The following PTPN11 variants were observed in gnomAD, a reference collection of about 807,000 sequenced individuals.
PTPN11 encodes the protein tyrosine-protein phosphatase non-receptor type 11.
In PTPN11, 6 loss-of-function variants were observed where a neutral mutation model predicts 78.8. The ratio of observed to expected loss-of-function variants is 0.08; its 90% CI spans 0.04 to 0.15. PTPN11 has a LOEUF of 0.15. Among genes scored for constraint, PTPN11 ranks in the 10% least tolerant of loss-of-function variants. The pLI, the probability that PTPN11 is intolerant of heterozygous loss-of-function variation, is 1.00. For synonymous variants in PTPN11, 221 were observed against 263.5 expected (o/e 0.84, Z 1.56); for missense variants, 386 against 744.8 (o/e 0.52, Z 5.61).
At position 112,473,052 on chromosome 12, in the gene PTPN11, T is replaced by C. The variant is rs372220853; in HGVS notation, c.853+12T>C. On this transcript the variant is annotated intron_variant, in intron 7 of 15. Coordinates refer to ENST00000351677, the MANE Select transcript of PTPN11 (RefSeq NM_002834.5). ...AAACATCCTGCCCTGTAAGTATCAA[T>C]ATTCCGCTCAGTAATAGTCACTCTT... 4 of 1,565,140 alleles carry C rather than the reference T, an allele frequency of 2.6e-6. No individual in the cohort carries two copies. Among genetic ancestry groups the C allele is most frequent in the Non-Finnish European group, 3.5e-6 (4 of 1,135,864 alleles).
chr12:112,450,069 A>G (rs1412681315), intron 2 of PTPN11, among the ~76,000 whole-genome samples: 1 of 151,754 alleles, frequency 6.6e-6, no homozygotes, highest in African/African-American at 2.4e-5. Context: ...CTGGGCAATA[A>G]GAGCGAAACT....
intron 9 of PTPN11, among the ~76,000 whole-genome samples, chr12:112,481,366 A>T (rs2038593135): frequency 6.6e-6 from 1 of 152,114 alleles, no homozygotes; most frequent in Non-Finnish European, 1.5e-5. Context: ...TGCATCTTTG[A>T]TTCTTTAGAG....
chr12:112,480,362 C>T (rs1054189995), intron 9 of PTPN11, among the ~76,000 whole-genome samples: 1 of 147,400 alleles, frequency 6.8e-6, no homozygotes, highest in African/African-American at 2.5e-5. Context: ...AAGACCACAT[C>T]GTTCTTTTTT....
Position 112,463,601 on chromosome 12 carries a change from G to C in PTPN11, c.756+7538G>C, listed in dbSNP as rs550472681. Among the ~76,000 whole-genome samples, 5 of 152,270 alleles carry C rather than the reference G, an allele frequency of 3.3e-5. No individual in the cohort carries two copies. The South Asian group carries it at 1.0e-3, about 32-fold the overall frequency. ...AAAAAGATGGTTGCTTCTAAATGCT[G>C]ACCTGGTGATTTTACACTGTCACAT... On this transcript the variant is annotated intron_variant, in intron 6 of 15. Coordinates refer to ENST00000351677, the MANE Select transcript of PTPN11 (RefSeq NM_002834.5).
intron 1 of PTPN11, among the ~76,000 whole-genome samples, chr12:112,437,436 C>T (rs1407455714): frequency 6.6e-6 from 1 of 152,204 alleles, no homozygotes; most frequent in Non-Finnish European, 1.5e-5. Context: ...GCTGGGATTA[C>T]AGGCATGAGC....
chr12:112,438,964 A>T (rs934111357), intron 1 of PTPN11, among the ~76,000 whole-genome samples: 1 of 152,106 alleles, frequency 6.6e-6, no homozygotes, highest in Non-Finnish European at 1.5e-5. Flanking sequence ...TGAAGGATGT[A>T]TGGGGAGAGA....
chr12:112,433,006 G>T (rs1217161783), intron 1 of PTPN11, among the ~76,000 whole-genome samples: 1 of 151,912 alleles, frequency 6.6e-6, no homozygotes, highest in South Asian at 2.1e-4. Flanking sequence ...GACTGCAGGC[G>T]CAGGACACCA....
Position 112,480,107 on chromosome 12 carries a change from G to A in PTPN11, c.1093-1967G>A, listed in dbSNP as rs114397063. On this transcript the variant is annotated intron_variant, in intron 9 of 15. Transcript: ENST00000351677. ...CACGGGAGTTTAGAAACTAGGGGGAGGGCTGATGTTTAAAGTTAGCTAAAA... is the reference window on the plus strand; with the variant it reads ...CACGGGAGTTTAGAAACTAGGGGGAAGGCTGATGTTTAAAGTTAGCTAAAA... Among the ~76,000 whole-genome samples, 1,188 of 152,258 alleles carry A rather than the reference G, an allele frequency of 7.8e-3. 15 individuals carry two copies. The highest frequency in any genetic ancestry group is 0.026 in the African/African-American group (1,093 of 41,540).
intron 6 of PTPN11, among the ~76,000 whole-genome samples, chr12:112,462,391 A>G (rs1437606759): frequency 6.6e-6 from 1 of 151,802 alleles, no homozygotes; most frequent in Non-Finnish European, 1.5e-5. Context: ...TGTGCCTTAG[A>G]CTCATTTGTA....
chr12:112,477,709 C>T lies in PTPN11; in HGVS notation c.912C>T (p.Tyr304=), dbSNP rs2038528619. Residue 304 remains tyrosine (Y), a synonymous_variant, in exon 8 of 16, where the codon TAC becomes TAT. Coordinates refer to ENST00000351677, the MANE Select transcript of PTPN11 (RefSeq NM_002834.5). ...ATCCCAATGAGCCTGTTTCAGATTA[C>T]ATCAATGCAAATATCATCATGGTAA... The part of the protein sequence containing the change: ...DGDPNEPVSD[Y]INANIIMPEF... 2 of 1,612,994 alleles carry T rather than the reference C, an allele frequency of 1.2e-6. No homozygotes were observed. The highest frequency in any genetic ancestry group is 1.7e-6 in the Non-Finnish European group (2 of 1,178,986).
intron 5 of PTPN11, among the ~76,000 whole-genome samples, chr12:112,455,274 C>T (rs927477315): frequency 7.2e-5 from 9 of 125,330 alleles, no homozygotes; most frequent in Admixed American, 2.0e-4. Flanking sequence ...TTTGCTCTGT[C>T]GCCCAGGCTG....
chr12:112,480,892 A>G (rs945161732), intron 9 of PTPN11, among the ~76,000 whole-genome samples: 1 of 152,174 alleles, frequency 6.6e-6, no homozygotes, highest in African/African-American at 2.4e-5. Context: ...ACAGAACACA[A>G]AAGCATTCTC....
At chr12:112,435,919 T>C (rs560621396) in intron 1 of PTPN11, among the ~76,000 whole-genome samples, 8 of 152,256 alleles carry the variant, frequency 5.3e-5, no homozygotes, top group Non-Finnish European at 1.2e-4. Flanking sequence ...GCATGGTGGC[T>C]CACACCTGTA....
chr12:112,435,033 C>T (rs987881499), intron 1 of PTPN11, among the ~76,000 whole-genome samples: 1 of 151,554 alleles, frequency 6.6e-6, no homozygotes, highest in Admixed American at 6.6e-5. Flanking sequence ...GTGCTCTGCC[C>T]GCCTTGGCCT....
chr12:112,482,743 C>T lies in PTPN11; in HGVS notation c.1224+538C>T, dbSNP rs922091320. Reference sequence around the variant, plus strand: ...GAGAAGCAGTAGATGTGAGAGGTGCCGGGGGGTGAAGTCTGCAGGATGTGG... The same window carrying T: ...GAGAAGCAGTAGATGTGAGAGGTGCTGGGGGGTGAAGTCTGCAGGATGTGG... On this transcript the variant is annotated intron_variant, in intron 10 of 15. Transcript: ENST00000351677. This position sits in a 1 kb window ranked among gnomAD's most constrained non-coding sequence, Gnocchi z 4.4. Among the ~76,000 whole-genome samples the T allele has an allele frequency of 2.6e-5, 4 of 151,932 alleles. No homozygotes were observed. Among genetic ancestry groups the T allele is most frequent in the African/African-American group, 7.3e-5 (3 of 41,348 alleles).
At chr12:112,471,204 T>C (rs186066616) in intron 6 of PTPN11, among the ~76,000 whole-genome samples, 57 of 152,334 alleles carry the variant, frequency 3.7e-4, no homozygotes, top group African/African-American at 1.4e-3. Context: ...AGGGCTGCTG[T>C]GTTGTGAAAT....
chr12:112,503,405 A>G (rs1405617634), intron 14 of PTPN11, among the ~76,000 whole-genome samples: 3 of 152,124 alleles, frequency 2.0e-5, no homozygotes, highest in Non-Finnish European at 2.9e-5. Context: ...TTCGACATGG[A>G]TTTTTAAACC....
rs773173788 is a variant in PTPN11 at position 112,504,814 on chromosome 12, C to T, written c.*32+18C>T. ...AGAAATAGGTATTTAAATGCAAGTG[C>T]TCTATTGGTTAATTGTTTATATAAT... On this transcript the variant is annotated intron_variant, in intron 15 of 15. Transcript: ENST00000351677. The surrounding 1 kb of genome is among the most constrained non-coding windows in gnomAD (Gnocchi z 4.7). The T allele has an allele frequency of 1.4e-6, 2 of 1,399,718 alleles. No individual in the cohort carries two copies. The highest frequency in any genetic ancestry group is 2.0e-6 in the Non-Finnish European group (2 of 988,214). 86.7% of individuals were successfully genotyped at this position (1,399,718 alleles called of 1,614,324 possible).
intron 4 of PTPN11, among the ~76,000 whole-genome samples, chr12:112,454,230 G>A (rs766327449): frequency 4.0e-5 from 6 of 151,784 alleles, no homozygotes; most frequent in African/African-American, 7.3e-5. Flanking sequence ...AGTGATTCTC[G>A]TGCCTCACCC....
Sources: gnomAD v4.1 joint callset for allele counts (sites outside exome capture counted in the v4.1 genomes callset) on GRCh38, gnomAD v4.1.1 for gene constraint, Gnocchi (gnomAD v3.1) non-coding constraint, MANE v1.5 for transcripts, NCBI Gene and HGNC (gene_info 2026-07-23, HGNC 2026-07-21) for gene names.